Variants in COL5A2 observed in about 807,000 individuals in gnomAD.
COL5A2 encodes the protein collagen alpha-2(V) chain.
A neutral mutation model predicts 208.2 loss-of-function variants in COL5A2; 23 were observed. The observed-to-expected ratio is 0.11, with a 90% CI of 0.08 to 0.16. The LOEUF is 0.16. Ranked by LOEUF, COL5A2 falls within the 10% of genes least tolerant of loss-of-function variation. COL5A2 has a pLI of 1.00. For synonymous variants in COL5A2, 625 were observed against 628.5 expected (o/e 0.99, Z 0.08); for missense variants, 1,590 against 1,956.4 (o/e 0.81, Z 3.53).
upstream of COL5A2, among the ~76,000 whole-genome samples, chr2:189,229,663 T>C (rs1481832854): frequency 1.3e-5 from 2 of 151,528 alleles, no homozygotes; most frequent in Non-Finnish European, 3.0e-5. Context: ...CTATAAGACA[T>C]TAAAGAAGAA....
the COL5A2 span, among the ~76,000 whole-genome samples, chr2:189,369,597 T>C: frequency 6.6e-6 from 1 of 152,190 alleles, no homozygotes; most frequent in South Asian, 2.1e-4. Flanking sequence ...AACTTTTGTG[T>C]GTATTACCTA....
chr2:189,084,979 A>G (rs1686623317), intron 11 of COL5A2, among the ~76,000 whole-genome samples, 181 bp downstream of exon 11: 1 of 152,212 alleles, frequency 6.6e-6, no homozygotes, highest in African/African-American at 2.4e-5. Flanking sequence ...ATACTACGCA[A>G]ATTAAGAGCC....
In COL5A2 at chr2:189,185,367, C is replaced by T. The variant is rs143177549; in HGVS notation, c.-42+39781G>A. On this transcript the variant is annotated intron_variant, in intron 1 of 10. Transcript: ENST00000649966. ...AAAGATCTGTATGGCATGTAAGAAA[C>T]GTATTATGCGAAGGCAAAGATAGAA... Among the ~76,000 whole-genome samples, 61 of 152,184 alleles carry T rather than the reference C, an allele frequency of 4.0e-4. No individual in the cohort carries two copies. The Middle Eastern group carries it at 0.01, about 25-fold the overall frequency.
intron 48 of COL5A2, 123 bp from the exon 49 acceptor site, chr2:189,042,896 G>T: frequency 2.1e-6 from 2 of 951,982 alleles, no homozygotes; most frequent in East Asian, 2.6e-5. Context: ...ACCAATCTCT[G>T]CAATGTCTAC....
rs1421007336 is a variant in COL5A2, at chr2:189,048,224, A to C, written c.3186T>G (p.Gly1062=). Residue 1062 remains glycine, a synonymous_variant, in exon 45 of 54, where the codon GGT becomes GGG. Transcript: ENST00000374866. ...TGGCTCTTACACGTTCTCCAACAGCACCATCCCGTCCTGGGGTACCATCAT... is the reference window on the plus strand; with the variant it reads ...TGGCTCTTACACGTTCTCCAACAGCCCCATCCCGTCCTGGGGTACCATCAT... ...AGNDGTPGRD[G]AVGERGDRGD... is the part of the protein sequence containing the mutation. The C allele has an allele frequency of 6.2e-7, 1 of 1,614,068 alleles. No individual in the cohort carries two copies. Among genetic ancestry groups the C allele is most frequent in the South Asian group, 1.1e-5 (1 of 91,084 alleles).
intron 1 of COL5A2, among the ~76,000 whole-genome samples, chr2:189,174,220 G>T (rs1688633855): frequency 1.3e-5 from 2 of 152,166 alleles, no homozygotes; most frequent in South Asian, 4.1e-4. Flanking sequence ...TGAATTTCAG[G>T]CCTGTAGCGA....
intron 37 of COL5A2, 41 bp downstream of exon 37, chr2:189,053,854 C>T: frequency 6.6e-7 from 1 of 1,508,888 alleles, no homozygotes; most frequent in Non-Finnish European, 9.2e-7. Context: ...TGTTTTATTG[C>T]TCAATCTCAC....
rs761034544 is a variant in COL5A2, at chr2:189,036,641, C to G, written c.4088G>C (p.Gly1363Ala). 1 of 1,613,604 alleles carries G rather than the reference C, an allele frequency of 6.2e-7. No homozygotes were observed. Among genetic ancestry groups the G allele is most frequent in the South Asian group, 1.1e-5 (1 of 91,064 alleles). ...CTGAGACCCTCTGTTCATATCAAGA[C>G]CATACCAAACAGGTTTATTGTCAGG... Reference protein sequence around the residue: ...KSPDNKPVWYGLDMNRGSQFA... With the variant: ...KSPDNKPVWYALDMNRGSQFA... The change falls in exon 52 of 54, where the codon GGT becomes GCT. Residue 1363 changes from glycine to alanine, a missense_variant. Gly to Ala is a moderately conservative substitution (Grantham distance 60). Coordinates refer to ENST00000374866, the MANE Select transcript of COL5A2 (RefSeq NM_000393.5).
chr2:189,278,931 T>C, the COL5A2 span, among the ~76,000 whole-genome samples: 13 of 152,114 alleles, frequency 8.5e-5, no homozygotes, highest in South Asian at 8.3e-4. Context: ...TAAGAGTTTA[T>C]TTTTGCCCTA....
At chr2:189,043,377 A>G (rs1321724533) in intron 47 of COL5A2, 119 bp from the exon 48 acceptor site, 1 of 649,692 alleles carries the variant, frequency 1.5e-6, no homozygotes. Context: ...GGTATTTTAT[A>G]TGGATTAATA....
chr2:189,427,546 T>C, the COL5A2 span, among the ~76,000 whole-genome samples: 2 of 152,062 alleles, frequency 1.3e-5, no homozygotes, highest in Non-Finnish European at 2.9e-5. Flanking sequence ...GACCCCAGAA[T>C]TGTAGCTCCA....
At chr2:189,289,563 C>A in the COL5A2 span, among the ~76,000 whole-genome samples, 1 of 151,942 alleles carries the variant, frequency 6.6e-6, no homozygotes, top group Admixed American at 6.6e-5. Context: ...AATGATAAAG[C>A]CATTCAAATT....
At chr2:189,313,692 A>C in the COL5A2 span, among the ~76,000 whole-genome samples, 29 of 152,334 alleles carry the variant, frequency 1.9e-4, no homozygotes, top group African/African-American at 6.7e-4. Flanking sequence ...TATCTTCGAA[A>C]GACCCATCTC....
the COL5A2 span, among the ~76,000 whole-genome samples, chr2:189,376,763 T>C: frequency 2.0e-5 from 3 of 152,328 alleles, no homozygotes; most frequent in South Asian, 4.1e-4. Flanking sequence ...TTGGTAATCA[T>C]TGACACAGGC....
chr2:189,131,771 T>C (rs899793130), intron 1 of COL5A2, among the ~76,000 whole-genome samples: 1 of 152,214 alleles, frequency 6.6e-6, no homozygotes, highest in African/African-American at 2.4e-5. Context: ...ATGATTCAAT[T>C]AGTTTTAGAG....
At chr2:189,302,085 T>C in the COL5A2 span, among the ~76,000 whole-genome samples, 1 of 152,204 alleles carries the variant, frequency 6.6e-6, no homozygotes, top group African/African-American at 2.4e-5. Context: ...CATTTCTCTA[T>C]ATCCTAAATT....
chr2:189,402,694 A>C, the COL5A2 span, among the ~76,000 whole-genome samples: 1 of 152,170 alleles, frequency 6.6e-6, no homozygotes, highest in Admixed American at 6.5e-5. Flanking sequence ...TTGAGGATCA[A>C]ATGGTTGCAG....
intron 1 of COL5A2, chr2:189,133,114 CTTTTT>C (rs751457732): frequency 4.7e-5 from 3 of 63,422 alleles, no homozygotes; most frequent in Non-Finnish European, 3.1e-5. Context: ...CCAAGTACGA[CTTTTT>C]TTTTTTTTTT....
chr2:189,124,253 C>T (rs1056792029), intron 1 of COL5A2, among the ~76,000 whole-genome samples: 18 of 152,052 alleles, frequency 1.2e-4, no homozygotes, highest in Non-Finnish European at 2.4e-4. Context: ...CCTGGTGTTC[C>T]GCCTGTGTAG....
Sources: gnomAD v4.1 joint callset for allele counts (sites outside exome capture counted in the v4.1 genomes callset) on GRCh38, gnomAD v4.1.1 for gene constraint, MANE v1.5 for transcripts, NCBI Gene and HGNC (gene_info 2026-07-23, HGNC 2026-07-21) for gene names.